The following SH3RF2 variants were observed in gnomAD, a reference collection of about 807,000 sequenced individuals.
SH3RF2 encodes the protein E3 ubiquitin-protein ligase SH3RF2.
SH3RF2 carries 43 observed loss-of-function variants against 59.0 expected under a neutral mutation model. That is an observed-to-expected ratio of 0.73 (90% CI 0.57 to 0.94). SH3RF2 has a LOEUF of 0.94. Among genes scored for constraint, SH3RF2 ranks in the 40% least tolerant of loss-of-function variants. SH3RF2 has a pLI of 0.00. For missense variants in SH3RF2, 930 were observed against 940.1 expected (o/e 0.99, Z 0.14); for synonymous variants, 391 against 391.5 (o/e 1.00, Z 0.01).
At chr5:146,074,581 A>G (rs2150029495) in intron 9 of SH3RF2, among the ~76,000 whole-genome samples, 1 of 149,510 alleles carries the variant, frequency 6.7e-6, no homozygotes, top group Admixed American at 6.6e-5. Context: ...GACATCTAAA[A>G]AAAAAACAAA....
At chr5:145,945,394 T>C (rs773536506) in intron 2 of SH3RF2, among the ~76,000 whole-genome samples, 1 of 152,210 alleles carries the variant, frequency 6.6e-6, no homozygotes, top group Non-Finnish European at 1.5e-5. Context: ...GGTACATTTT[T>C]GTATGTAAAT....
intron 2 of SH3RF2, among the ~76,000 whole-genome samples, chr5:145,991,397 C>T (rs1261624369): frequency 1.3e-5 from 2 of 152,112 alleles, no homozygotes; most frequent in African/African-American, 4.8e-5. Flanking sequence ...CTGGCAGAAC[C>T]CCAATAAATG....
At chr5:146,061,100 C>T (rs11746953) in intron 9 of SH3RF2, among the ~76,000 whole-genome samples, 49,867 of 152,094 alleles carry the variant, frequency 0.33, 8,738 homozygotes, top group Non-Finnish European at 0.38. Context: ...CATTGGTTAA[C>T]CAGTTATCGA....
intron 2 of SH3RF2, among the ~76,000 whole-genome samples, chr5:145,987,621 C>T (rs554992840): frequency 3.2e-4 from 48 of 152,106 alleles, no homozygotes; most frequent in Non-Finnish European, 6.6e-4. Context: ...ACGTTTACTC[C>T]AGCTTGCAAT....
chr5:146,073,818 T>G (rs748174467), intron 9 of SH3RF2, among the ~76,000 whole-genome samples: 25 of 152,126 alleles, frequency 1.6e-4, no homozygotes, highest in Non-Finnish European at 3.4e-4. Context: ...ACATGTCAGA[T>G]GTTATGAAAG....
At position 146,047,765 on chromosome 5, in the gene SH3RF2, T is replaced by G. The variant is rs1357140078; in HGVS notation, c.1060-7T>G. On this transcript the variant is annotated splice_region_variant and splice_polypyrimidine_tract_variant and intron_variant, in intron 5 of 9. Coordinates refer to ENST00000359120, the MANE Select transcript of SH3RF2 (RefSeq NM_152550.4). ...GTTCTGCTTGGCTGTCTTTTCTGTC[T>G]GTGCAGGTCAGCACTTATCACCCCG... 2 of 1,613,870 alleles carry G rather than the reference T, an allele frequency of 1.2e-6. No homozygotes were observed. The highest frequency in any genetic ancestry group is 3.3e-5 in the Admixed American group (2 of 60,012).
intron 5 of SH3RF2, among the ~76,000 whole-genome samples, chr5:146,016,412 T>C: frequency 6.8e-6 from 1 of 146,990 alleles, no homozygotes; most frequent in Middle Eastern, 3.2e-3. Context: ...GGATAGATGA[T>C]TGATACATAG....
intron 2 of SH3RF2, among the ~76,000 whole-genome samples, chr5:145,974,483 A>G (rs1759210208): frequency 6.6e-6 from 1 of 152,210 alleles, no homozygotes; most frequent in Non-Finnish European, 1.5e-5. Context: ...GAGCAAGAAG[A>G]AAAGAAAAAT....
At chr5:146,037,534 C>G (rs1053191155) in intron 5 of SH3RF2, among the ~76,000 whole-genome samples, 1 of 152,188 alleles carries the variant, frequency 6.6e-6, no homozygotes, top group South Asian at 2.1e-4. Context: ...TAAGTACCAC[C>G]TTTTCTCCCC....
chr5:146,063,999 C>T (rs1762985217), downstream of SH3RF2, among the ~76,000 whole-genome samples: 1 of 152,152 alleles, frequency 6.6e-6, no homozygotes, highest in South Asian at 2.1e-4. Flanking sequence ...TCACTTGGGG[C>T]AGATGAGCTA....
intron 4 of SH3RF2, among the ~76,000 whole-genome samples, chr5:146,005,495 T>C (rs541914428): frequency 7.6e-4 from 115 of 152,282 alleles, no homozygotes; most frequent in African/African-American, 2.6e-3. Context: ...AAATGAATGG[T>C]GTACCCAGAG....
intron 5 of SH3RF2, among the ~76,000 whole-genome samples, chr5:146,016,821 A>AC (rs566048475): frequency 6.6e-6 from 1 of 151,572 alleles, no homozygotes; most frequent in Non-Finnish European, 1.5e-5. Context: ...TTCTCCACCC[A>AC]CCCCCTCAGT....
intron 5 of SH3RF2, among the ~76,000 whole-genome samples, chr5:146,021,151 A>G (rs1294818454): frequency 6.6e-6 from 1 of 151,208 alleles, no homozygotes; most frequent in Non-Finnish European, 1.5e-5. Flanking sequence ...GCACTAATAT[A>G]TATATTTTTT....
intron 5 of SH3RF2, among the ~76,000 whole-genome samples, chr5:146,038,281 T>C (rs1352043333): frequency 6.6e-6 from 1 of 152,086 alleles, no homozygotes; most frequent in Non-Finnish European, 1.5e-5. Context: ...AAGAACAAAA[T>C]GCCCATTTTC....
chr5:146,076,058 T>C (rs889334808), intron 9 of SH3RF2, among the ~76,000 whole-genome samples: 1 of 152,098 alleles, frequency 6.6e-6, no homozygotes, highest in Non-Finnish European at 1.5e-5. Flanking sequence ...TGTCAGTTGA[T>C]CTTAGAGTGG....
At chr5:145,960,234 T>C (rs1480379119) in intron 2 of SH3RF2, among the ~76,000 whole-genome samples, 3 of 152,126 alleles carry the variant, frequency 2.0e-5, no homozygotes, top group Non-Finnish European at 4.4e-5. Flanking sequence ...CTTCTAAATT[T>C]TGAAGCAAGT....
chr5:146,036,568 G>A (rs527876439), intron 5 of SH3RF2, among the ~76,000 whole-genome samples: 6 of 152,008 alleles, frequency 3.9e-5, no homozygotes, highest in Non-Finnish European at 2.9e-5. Context: ...GGTGACACAC[G>A]CCTGTAATCC....
chr5:145,996,760 G>A (rs1469243848), intron 2 of SH3RF2, among the ~76,000 whole-genome samples: 1 of 151,906 alleles, frequency 6.6e-6, no homozygotes, highest in Non-Finnish European at 1.5e-5. Context: ...CCTGTTCCTT[G>A]GGTAGTGATT....
intron 2 of SH3RF2, among the ~76,000 whole-genome samples, chr5:145,938,782 A>G (rs772500480): frequency 2.0e-5 from 3 of 152,216 alleles, no homozygotes; most frequent in Non-Finnish European, 4.4e-5. Context: ...AAGTGCTATT[A>G]TGGCAATACT....
Sources: allele counts gnomAD v4.1 joint callset (sites outside exome capture counted in the v4.1 genomes callset), GRCh38; gene constraint gnomAD v4.1.1; transcripts MANE v1.5; gene names NCBI Gene and HGNC (gene_info 2026-07-23, HGNC 2026-07-21).